Variants in APC observed in about 807,000 individuals in gnomAD.
APC encodes APC regulator of Wnt signaling pathway.
In APC, 72 loss-of-function variants were observed where a neutral mutation model predicts 247.0. That is an observed-to-expected ratio of 0.29 (90% CI 0.24 to 0.35). The LOEUF is 0.35. Ranked by LOEUF, APC falls within the 10% of genes least tolerant of loss-of-function variation. The pLI is 1.00. For missense variants in APC, 3,400 were observed against 3,360.7 expected, an observed-to-expected ratio of 1.01 and a Z score of -0.29; for synonymous variants, 1,254 against 1,162.5, an observed-to-expected ratio of 1.08 and a Z score of -1.60.
chr5:112,842,196 G>A lies in APC; in HGVS notation c.6602G>A (p.Gly2201Glu), dbSNP rs1422564640. 1.9e-6 allele frequency: 3 copies of A among 1,613,158 alleles called. No homozygotes were observed. The highest frequency in any genetic ancestry group is 2.5e-6 in the Non-Finnish European group (3 of 1,179,288). The change falls in exon 16 of 16, where the codon GGA becomes GAA. Residue 2201 changes from glycine (G) to glutamate (E), a missense_variant. Physicochemically the swap from Gly to Glu is moderately conservative, Grantham distance 98. Transcript: ENST00000257430. ...AAAGTTTATAAAAGTTTGATTACTGGAAAAGTTCGATCTAATTCAGAAATT... is the reference window on the plus strand; with the variant it reads ...AAAGTTTATAAAAGTTTGATTACTGAAAAAGTTCGATCTAATTCAGAAATT... ...GKKVYKSLITGKVRSNSEISG... is the reference protein window; with the variant it reads ...GKKVYKSLITEKVRSNSEISG...
intron 11 of APC, among the ~76,000 whole-genome samples, chr5:112,824,208 C>A (rs569632193): frequency 3.5e-4 from 54 of 152,264 alleles, no homozygotes; most frequent in African/African-American, 1.3e-3. Context: ...TTCTAACAGG[C>A]ACCAAGAAAA....
chr5:112,744,995 T>C (rs1365098262), intron 1 of APC, among the ~76,000 whole-genome samples: 2 of 152,168 alleles, frequency 1.3e-5, no homozygotes, highest in Admixed American at 1.3e-4. Flanking sequence ...GTTGTGAGGA[T>C]TAAATGAGTT....
intron 6 of APC, among the ~76,000 whole-genome samples, chr5:112,790,349 A>G (rs1202491042): frequency 6.6e-6 from 1 of 151,758 alleles, no homozygotes. Flanking sequence ...TTGTTTTGAG[A>G]CGGAGTCTCA....
rs786203540 is a variant in APC, at chr5:112,839,157, C to T, written c.3563C>T (p.Pro1188Leu). 2.5e-6 allele frequency: 4 copies of T among 1,614,100 alleles called. No homozygotes were observed. The highest frequency in any genetic ancestry group is 3.4e-6 in the Non-Finnish European group (4 of 1,180,024). Residue 1188 changes from proline to leucine, a missense_variant, in exon 16 of 16, where the codon CCT becomes CTT. By Grantham distance (98) the Pro-to-Leu change is moderately conservative. Transcript: ENST00000257430. This position sits in a 1 kb window ranked among gnomAD's most constrained non-coding sequence, Gnocchi z 5.0. ...DYSLKYATDI[P>L]SSQKQSFSFS... Reference sequence around the variant, plus strand: ...AGTTTAAAATATGCCACAGATATTCCTTCATCACAGAAACAGTCATTTTCA... The same window carrying T: ...AGTTTAAAATATGCCACAGATATTCTTTCATCACAGAAACAGTCATTTTCA...
At chr5:112,775,005 T>C (rs1185072735) in intron 4 of APC, among the ~76,000 whole-genome samples, 1 of 152,226 alleles carries the variant, frequency 6.6e-6, no homozygotes, top group Admixed American at 6.5e-5. Context: ...GTTTTATCCC[T>C]GTAACACTCT....
intron 14 of APC, 84 bp from the exon 15 acceptor site, chr5:112,834,867 T>C: frequency 1.6e-6 from 2 of 1,243,090 alleles, no homozygotes; most frequent in Non-Finnish European, 2.4e-6. Context: ...AAAAAATAGC[T>C]TTTATTCAAT....
At chr5:112,818,366 A>G (rs779159871) in intron 9 of APC, among the ~76,000 whole-genome samples, 7 of 152,202 alleles carry the variant, frequency 4.6e-5, no homozygotes, top group East Asian at 1.9e-4. Flanking sequence ...AAAACTGACT[A>G]CAAATCCTGG....
At position 112,837,688 on chromosome 5, in the gene APC, A is replaced by T. The variant is rs1426881729; in HGVS notation, c.2094A>T (p.Leu698Phe). 2 of 1,614,206 alleles carry T rather than the reference A, an allele frequency of 1.2e-6. No individual in the cohort carries two copies. The highest frequency in any genetic ancestry group is 1.7e-6 in the Non-Finnish European group (2 of 1,180,018). Residue 698 changes from leucine to phenylalanine, a missense_variant, in exon 16 of 16, where the codon TTA (leucine) becomes TTT (phenylalanine). Leu to Phe is a conservative substitution (Grantham distance 22, BLOSUM62 0). Coordinates refer to ENST00000257430, the MANE Select transcript of APC (RefSeq NM_000038.6). ...GAAATCCTAAAGACCAGGAAGCATT[A>T]TGGGACATGGGGGCAGTTAGCATGC... Reference protein sequence around the residue: ...SARNPKDQEALWDMGAVSMLK... With the variant: ...SARNPKDQEAFWDMGAVSMLK...
chr5:112,812,069 G>A (rs1762042893), intron 8 of APC, among the ~76,000 whole-genome samples: 1 of 152,176 alleles, frequency 6.6e-6, no homozygotes, highest in Non-Finnish European at 1.5e-5. Flanking sequence ...CCCTCAGAGG[G>A]AACAAGAGAG....
At chr5:112,806,768 G>A (rs1761446367) in intron 8 of APC, among the ~76,000 whole-genome samples, 1 of 151,942 alleles carries the variant, frequency 6.6e-6, no homozygotes, top group African/African-American at 2.4e-5. Flanking sequence ...TATAGAGATA[G>A]GATCTCACTA....
At position 112,843,807 on chromosome 5, in the gene APC, T is replaced by C. The variant is rs863224552; in HGVS notation, c.8213T>C (p.Ile2738Thr). The change falls in exon 16 of 16, where the codon ATA becomes ACA. Residue 2738 changes from isoleucine to threonine, a missense_variant. Ile to Thr is a moderately conservative substitution (Grantham distance 89). Transcript: ENST00000257430. This position sits in a 1 kb window ranked among gnomAD's most constrained non-coding sequence, Gnocchi z 4.8. ...VDAPDQKGTE[I>T]KPGQNNPVPV... Reference sequence around the variant, plus strand: ...GCCCCTGACCAAAAAGGAACTGAGATAAAACCAGGACAAAATAATCCTGTC... The same window carrying C: ...GCCCCTGACCAAAAAGGAACTGAGACAAAACCAGGACAAAATAATCCTGTC... 64 of 1,614,046 alleles carry C rather than the reference T, an allele frequency of 4.0e-5. No individual in the cohort carries two copies. Among genetic ancestry groups the C allele is most frequent in the Non-Finnish European group, 5.3e-5 (63 of 1,179,948 alleles).
rs555813438 is a variant in APC, at chr5:112,749,046, G to T, written c.-18-5827G>T. Among the ~76,000 whole-genome samples, 7 of 152,208 alleles carry T rather than the reference G, an allele frequency of 4.6e-5. No homozygotes were observed. The South Asian group carries it at 6.2e-4, about 14-fold the overall frequency. On this transcript the variant is annotated intron_variant, in intron 1 of 15. Coordinates refer to ENST00000257430, the MANE Select transcript of APC (RefSeq NM_000038.6). ...TCCTATTTCCAGGTTTTTATGGAAA[G>T]TTTTTTCTTTGTCTAAGATGGTTTT...
chr5:112,762,232 A>G (rs974016188), intron 2 of APC, among the ~76,000 whole-genome samples: 9 of 152,194 alleles, frequency 5.9e-5, no homozygotes, highest in Non-Finnish European at 7.3e-5. Context: ...ATCACACCAA[A>G]TGTGGAGCAT....
chr5:112,719,796 G>C (rs1275670543), intron 1 of APC, among the ~76,000 whole-genome samples: 2 of 152,178 alleles, frequency 1.3e-5, no homozygotes, highest in African/African-American at 4.8e-5. Flanking sequence ...TCCCACCTCA[G>C]CCTCCCAAAG....
chr5:112,761,859 A>C lies in APC; in HGVS notation c.136-4467A>C, dbSNP rs192792178. Among the ~76,000 whole-genome samples, 656 of 152,336 alleles carry C rather than the reference A, an allele frequency of 4.3e-3. 4 individuals are homozygous for C. The highest frequency in any genetic ancestry group is 0.015 in the African/African-American group (626 of 41,574). On this transcript the variant is annotated intron_variant, in intron 2 of 15. Coordinates refer to ENST00000257430, the MANE Select transcript of APC (RefSeq NM_000038.6). ...GGCAAAATTTCTTAGGACACACAAA[A>C]GACTAAACATAAAAATGTATAAGAT... is the stretch of plus-strand genomic sequence containing the variant.
Position 112,790,147 on chromosome 5 carries a change from A to G in APC, c.646-2299A>G, listed in dbSNP as rs537431520. Among the ~76,000 whole-genome samples the G allele has an allele frequency of 1.2e-3, 183 of 152,326 alleles. 1 individual carries two copies. The highest frequency in any genetic ancestry group is 4.3e-3 in the African/African-American group (178 of 41,566). The stretch of plus-strand genomic sequence containing the variant: ...TGTGCCGGGATTACAGGCCTGAGCC[A>G]CGGTGCCTGGCCTGAGAATATTTTT... On this transcript the variant is annotated intron_variant, in intron 6 of 15. Transcript: ENST00000257430.
In APC at chr5:112,787,542, C is replaced by G. The variant is rs114714155; in HGVS notation, c.646-4904C>G. 7.5e-3 allele frequency among the ~76,000 whole-genome samples: 1,146 copies of G among 152,264 alleles called. 13 individuals carry two copies. Among genetic ancestry groups the G allele is most frequent in the African/African-American group, 0.026 (1,071 of 41,556 alleles). The stretch of plus-strand genomic sequence containing the variant: ...TTGTCATCTTAAACTTTGTATTTTC[C>G]TGAGCTACTGAAGTTGAATCTCGAA... On this transcript the variant is annotated intron_variant, in intron 6 of 15. Coordinates refer to ENST00000257430, the MANE Select transcript of APC (RefSeq NM_000038.6).
At chr5:112,783,577 G>A (rs1054588981) in intron 6 of APC, among the ~76,000 whole-genome samples, 1 of 149,398 alleles carries the variant, frequency 6.7e-6, no homozygotes, top group African/African-American at 2.5e-5. Context: ...AGGATCACTT[G>A]AGCCCAGGAG....
intron 2 of APC, among the ~76,000 whole-genome samples, chr5:112,765,980 G>A (rs1427823362): frequency 1.3e-5 from 2 of 152,134 alleles, no homozygotes; most frequent in Non-Finnish European, 2.9e-5. Flanking sequence ...AAACACATAA[G>A]TAGCTTTTGT....
Sources: allele counts gnomAD v4.1 joint callset (sites outside exome capture counted in the v4.1 genomes callset), GRCh38; gene constraint gnomAD v4.1.1; non-coding constraint Gnocchi (gnomAD v3.1); transcripts MANE v1.5; gene names NCBI Gene and HGNC (gene_info 2026-07-23, HGNC 2026-07-21).